Variants in SIGLEC1 observed in about 807,000 individuals in gnomAD.
SIGLEC1 encodes sialic acid binding Ig like lectin 1, also known as sialoadhesin.
Under a neutral mutation model 148.0 loss-of-function variants are expected in SIGLEC1, and 132 were observed. That is an observed-to-expected ratio of 0.89 (90% confidence interval 0.77 to 1.03). The LOEUF (loss-of-function observed/expected upper bound fraction) is 1.03, where lower values mean the gene tolerates loss of function less well. Among genes scored for constraint, SIGLEC1 ranks in the 50% least tolerant of loss-of-function variants. The probability of loss-of-function intolerance (pLI) is 0.00; values close to 1 mark genes in which losing one functional copy is unlikely to be tolerated. For missense variants in SIGLEC1, 2,253 were observed against 2,271.4 expected (o/e 0.99, Z 0.16); for synonymous variants, 945 against 969.0 (o/e 0.98, Z 0.46).
Position 3,696,666 on chromosome 20 carries a change from A to G in SIGLEC1, c.2603T>C (p.Leu868Pro), listed in dbSNP as rs769790727. 5.6e-6 allele frequency: 9 copies of G among 1,613,886 alleles called. No homozygotes were observed. The East Asian group carries it at 1.3e-4, about 24-fold the overall frequency. ...SLKLEVRELGLGDSGSYRCEA... is the reference protein window; with the variant it reads ...SLKLEVRELGPGDSGSYRCEA... ...ACAGCGGTAGCTGCCAGAGTCCCCA[A>G]GGCCCAGTTCTCGGACCTCTAACTT... The change falls in exon 11 of 22, where the codon CTT (leucine) becomes CCT (proline). Residue 868 changes from leucine (L) to proline (P), a missense_variant. Physicochemically the swap from Leu to Pro is moderately conservative, Grantham distance 98 (BLOSUM62 -3). Transcript: ENST00000344754.
In SIGLEC1 at chr20:3,702,517, G is replaced by A. The variant is rs139617116; in HGVS notation, c.1228+680C>T. Among the ~76,000 whole-genome samples the A allele has an allele frequency of 2.1e-3, 324 of 152,060 alleles. 4 individuals are homozygous for A. The highest frequency in any genetic ancestry group is 7.5e-3 in the African/African-American group (313 of 41,464). ...GGAGGAGAATCGCTTGAGCCCCAGA[G>A]GCGGACATTGCAGTGAGCCAAGATA... is the stretch of plus-strand genomic sequence containing the variant. On this transcript the variant is annotated intron_variant, in intron 6 of 21. Transcript: ENST00000344754.
rs199636258 is a variant in SIGLEC1, at chr20:3,692,910, G to A, written c.3730C>T (p.Arg1244Cys). 1.5e-4 allele frequency: 236 copies of A among 1,612,186 alleles called. 1 individual carries two copies. In the East Asian group the frequency reaches 3.7e-3, roughly 25 times the overall value. ...RDEGFYSCSARSPLGQANTSL... is the reference protein window; with the variant it reads ...RDEGFYSCSACSPLGQANTSL... ...GTGTTGGCCTGGCCCAGAGGGCTGC[G>A]GGCAGAGCAGCTGTAGAAACCCTCA... Residue 1244 changes from arginine to cysteine, a missense_variant, in exon 15 of 22, where the codon CGC becomes TGC. Coordinates refer to ENST00000344754, the MANE Select transcript of SIGLEC1 (RefSeq NM_023068.4).
intron 21 of SIGLEC1, 139 bp from the exon 22 acceptor site, chr20:3,688,758 C>T (rs2088724506): frequency 7.7e-6 from 5 of 648,524 alleles, no homozygotes; most frequent in East Asian, 5.5e-5. Flanking sequence ...CCCTGGCCTA[C>T]CAGGTGAATC....
At chr20:3,689,578 C>T in intron 20 of SIGLEC1, 22 bp downstream of exon 20, 4 of 1,522,706 alleles carry the variant, frequency 2.6e-6, no homozygotes, top group Non-Finnish European at 3.6e-6. Flanking sequence ...ATCTTCTGGC[C>T]CACTCCCAGC....
intron 4 of SIGLEC1, among the ~76,000 whole-genome samples, chr20:3,704,784 T>G (rs894555305): frequency 1.1e-4 from 13 of 113,160 alleles, no homozygotes; most frequent in African/African-American, 3.8e-4. Flanking sequence ...ATCCAGCTAA[T>G]TTTTGTTTTT....
At chr20:3,706,297 G>A (rs201110788) in intron 3 of SIGLEC1, 50 bp downstream of exon 3, 634 of 1,563,248 alleles carry the variant, frequency 4.1e-4, no homozygotes, top group Non-Finnish European at 5.1e-4. Flanking sequence ...GGGTCCAGAA[G>A]CAGCTTGGGA....
In SIGLEC1 at chr20:3,701,355, G is replaced by C; in HGVS notation, c.1515C>G (p.Asp505Glu). ...TGCCCATCTTACCATTGGCATGGAA[G>C]TCCAGGGTGGAGGTTGCATTTCCAA... Reference protein sequence around the residue: ...NSLGNATSTLDFHANAARLLI... With the variant: ...NSLGNATSTLEFHANAARLLI... Residue 505 changes from aspartate to glutamate, a missense_variant, in exon 7 of 22, where the codon GAC becomes GAG. Coordinates refer to ENST00000344754, the MANE Select transcript of SIGLEC1 (RefSeq NM_023068.4). 6.2e-7 allele frequency: 1 copy of C among 1,610,274 alleles called. No individual in the cohort carries two copies. Among genetic ancestry groups the C allele is most frequent in the Non-Finnish European group, 8.5e-7 (1 of 1,177,492 alleles).
intron 8 of SIGLEC1, 35 bp from the exon 9 acceptor site, chr20:3,698,168 G>T: frequency 6.6e-7 from 1 of 1,510,432 alleles, no homozygotes. Context: ...CTCATCCCAC[G>T]GATGCTCCAG....
Position 3,701,616 on chromosome 20 carries a change from T to C in SIGLEC1, c.1254A>G (p.Thr418=). The C allele has an allele frequency of 2.5e-6, 4 of 1,581,460 alleles. No homozygotes were observed. The South Asian group carries it at 3.5e-5, about 14-fold the overall frequency. The change falls in exon 7 of 22, where the codon ACA becomes ACG. Residue 418 remains threonine, a synonymous_variant. Coordinates refer to ENST00000344754, the MANE Select transcript of SIGLEC1 (RefSeq NM_023068.4). ...GTCCCGCCTGGGTCTCCAGGAAGGC[T>C]GTCAGGACTGGAGTGAGAGGCGGGT... ...VNHPPLTPVL[T]AFLETQAGLV...
chr20:3,697,928 C>T lies in SIGLEC1; in HGVS notation c.1992G>A (p.Lys664=), dbSNP rs1301064057. 1.9e-6 allele frequency: 3 copies of T among 1,612,994 alleles called. No homozygotes were observed. Among genetic ancestry groups the T allele is most frequent in the Non-Finnish European group, 1.7e-6 (2 of 1,179,934 alleles). The change falls in exon 9 of 22, where the codon AAG becomes AAA. Residue 664 remains lysine, a synonymous_variant. Coordinates refer to ENST00000344754, the MANE Select transcript of SIGLEC1 (RefSeq NM_023068.4). ...STCGGCSPRM[K]VTKAPNLLRV... ...GCAGCAAGTTGGGGGCTTTGGTGAC[C>T]TTCATGCGTGGGGAACAGCCCCCAC...
chr20:3,700,393 C>T (rs1296686471), intron 7 of SIGLEC1, among the ~76,000 whole-genome samples: 1 of 151,914 alleles, frequency 6.6e-6, no homozygotes, highest in Non-Finnish European at 1.5e-5. Context: ...GCTGGAATTA[C>T]AGGCATGAGC....
At position 3,689,154 on chromosome 20, in the gene SIGLEC1, C is replaced by A; in HGVS notation, c.5070+1G>T. Reference sequence around the variant, plus strand: ...TCTGCCCGTGTGTGTTGAATGGATACCTGCGTGGTCTCTTTCTGAAAAGCC... The same window carrying A: ...TCTGCCCGTGTGTGTTGAATGGATAACTGCGTGGTCTCTTTCTGAAAAGCC... On this transcript the variant is annotated splice_donor_variant, in intron 21 of 21. Transcript: ENST00000344754. LOFTEE classifies it high-confidence loss of function. 6.2e-7 allele frequency: 1 copy of A among 1,613,168 alleles called. No individual in the cohort carries two copies. Among genetic ancestry groups the A allele is most frequent in the Non-Finnish European group, 8.5e-7 (1 of 1,179,114 alleles).
At chr20:3,688,656 TGG>T in intron 21 of SIGLEC1, 37 bp from the exon 22 acceptor site, 1 of 1,534,554 alleles carries the variant, frequency 6.5e-7, no homozygotes, top group Non-Finnish European at 8.8e-7. Context: ...AGGAGGCCTC[TGG>T]GAGCCAGGGC....
In SIGLEC1 at chr20:3,706,585, G is replaced by A; in HGVS notation, c.171C>T (p.Ala57=). 6.2e-7 allele frequency: 1 copy of A among 1,612,216 alleles called. No homozygotes were observed. Among genetic ancestry groups the A allele is most frequent in the South Asian group, 1.1e-5 (1 of 90,952 alleles). The change falls in exon 3 of 22, where the codon GCC becomes GCT. Residue 57 remains alanine, a synonymous_variant. Coordinates refer to ENST00000344754, the MANE Select transcript of SIGLEC1 (RefSeq NM_023068.4). ...ADVEVPDGIT[A]IWYYDYSGQR... is the part of the protein sequence containing the mutation. ...GGCCCGAGTAGTCGTAGTACCAGAT[G>A]GCCGTGATGCCGTCGGGCACCTCCA...
chr20:3,710,897 C>T lies in SIGLEC1; in HGVS notation c.-110+1573G>A, dbSNP rs573237372. ...AATCCAGCCTATTGGCTCAGCCTGT[C>T]ACCACAAAGGCCAGCTTCAGCCCAG... On this transcript the variant is annotated intron_variant, in intron 1 of 21. Coordinates refer to ENST00000344754, the MANE Select transcript of SIGLEC1 (RefSeq NM_023068.4). This position sits in a 1 kb window ranked among gnomAD's most constrained non-coding sequence, Gnocchi z 4.6. 6.6e-6 allele frequency among the ~76,000 whole-genome samples: 1 copy of T among 152,350 alleles called. No individual in the cohort carries two copies. The highest frequency in any genetic ancestry group is 2.4e-5 in the African/African-American group (1 of 41,594).
At position 3,689,144 on chromosome 20, in the gene SIGLEC1, T is replaced by G; in HGVS notation, c.5070+11A>C. ...GGGTATTATATCTGCCCGTGTGTGT[T>G]GAATGGATACCTGCGTGGTCTCTTT... On this transcript the variant is annotated intron_variant, in intron 21 of 21. Coordinates refer to ENST00000344754, the MANE Select transcript of SIGLEC1 (RefSeq NM_023068.4). The G allele has an allele frequency of 6.2e-7, 1 of 1,611,934 alleles. No homozygotes were observed. Among genetic ancestry groups the G allele is most frequent in the Non-Finnish European group, 8.5e-7 (1 of 1,177,954 alleles).
chr20:3,696,127 T>C (rs61668979), intron 11 of SIGLEC1, among the ~76,000 whole-genome samples: 6,668 of 113,322 alleles, frequency 0.059, 195 homozygotes, highest in Non-Finnish European at 0.071. Context: ...AGACTATATA[T>C]ATACACACAC....
Position 3,692,773 on chromosome 20 carries a change from C to T in SIGLEC1, c.3779-1G>A. 1.2e-6 allele frequency: 2 copies of T among 1,608,336 alleles called. No homozygotes were observed. Among genetic ancestry groups the T allele is most frequent in the South Asian group, 2.2e-5 (2 of 90,946 alleles). ...TCCGGAGCCAGGATCACCCGCACACCTGTGCCAAGGAGGCCAGGATCAGCC... is the reference window on the plus strand; with the variant it reads ...TCCGGAGCCAGGATCACCCGCACACTTGTGCCAAGGAGGCCAGGATCAGCC... On this transcript the variant is annotated splice_acceptor_variant, in intron 15 of 21. Transcript: ENST00000344754. LOFTEE classifies it high-confidence loss of function.
At chr20:3,704,576 T>C (rs898571017) in intron 4 of SIGLEC1, among the ~76,000 whole-genome samples, 1 of 152,254 alleles carries the variant, frequency 6.6e-6, no homozygotes, top group East Asian at 1.9e-4. Flanking sequence ...CTGCATTTCC[T>C]TAAATCTTGT....
Sources: gnomAD v4.1 joint callset for allele counts (sites outside exome capture counted in the v4.1 genomes callset) on GRCh38, gnomAD v4.1.1 for gene constraint, Gnocchi (gnomAD v3.1) non-coding constraint, MANE v1.5 for transcripts, NCBI Gene and HGNC (gene_info 2026-07-23, HGNC 2026-07-21) for gene names.